The following IL7 variants were observed in gnomAD, a reference collection of about 807,000 sequenced individuals.
IL7 encodes interleukin 7.
A neutral mutation model predicts 21.6 loss-of-function variants in IL7; 3 were observed. That is an observed-to-expected ratio of 0.14 (90% CI 0.06 to 0.36). The LOEUF is 0.36. Ranked by LOEUF, IL7 falls within the 10% of genes least tolerant of loss-of-function variation. The pLI is 1.00. For synonymous variants in IL7, 62 were observed against 68.1 expected (o/e 0.91, Z 0.44); for missense variants, 175 against 200.2 (o/e 0.87, Z 0.76).
chr8:78,698,295 T>C, intron 3 of IL7: 1 of 799,444 alleles, frequency 1.3e-6, no homozygotes, highest in Non-Finnish European at 1.9e-6. Flanking sequence ...ATGTCTTCAA[T>C]GAAAACTTGA....
chr8:78,715,160 A>T, downstream of IL7: 1 of 1,435,340 alleles, frequency 7.0e-7, no homozygotes, highest in South Asian at 1.3e-5. Context: ...GTGAATAGGT[A>T]ATTTGAGAAA....
At chr8:78,738,714 G>C (rs750887454) in intron 3 of IL7, 79 bp from the exon 4 acceptor site, 18 of 1,386,704 alleles carry the variant, frequency 1.3e-5, no homozygotes, top group Non-Finnish European at 1.6e-5. Context: ...GGAGCCTAGA[G>C]CTTGAGCTAT....
chr8:78,769,988 A>G (rs1192375208), intron 2 of IL7, among the ~76,000 whole-genome samples: 1 of 152,164 alleles, frequency 6.6e-6, no homozygotes, highest in Non-Finnish European at 1.5e-5. Context: ...CCATATGTAG[A>G]AAGCTGAAAC....
At chr8:78,742,281 G>C (rs970186074) in intron 2 of IL7, among the ~76,000 whole-genome samples, 5 of 151,960 alleles carry the variant, frequency 3.3e-5, no homozygotes, top group Non-Finnish European at 7.4e-5. Flanking sequence ...CTGAGATCAC[G>C]CCACTGCACT....
chr8:78,701,311 A>G (rs1397097557), intron 3 of IL7, among the ~76,000 whole-genome samples: 1 of 152,148 alleles, frequency 6.6e-6, no homozygotes, highest in Non-Finnish European at 1.5e-5. Flanking sequence ...ATTAGTGTAT[A>G]GGAATGCTAG....
intron 2 of IL7, among the ~76,000 whole-genome samples, chr8:78,787,084 A>T (rs922110686): frequency 1.3e-5 from 2 of 152,208 alleles, no homozygotes; most frequent in Non-Finnish European, 1.5e-5. Flanking sequence ...GAATCTCTTC[A>T]TCTGTACCTT....
At chr8:78,761,397 C>G in intron 2 of IL7, 1 of 1,611,926 alleles carries the variant, frequency 6.2e-7, no homozygotes, top group South Asian at 1.1e-5. Flanking sequence ...AGTCTAGAAG[C>G]AACAACTTTC....
At chr8:78,777,255 G>A (rs750272357) in intron 2 of IL7, among the ~76,000 whole-genome samples, 4 of 151,946 alleles carry the variant, frequency 2.6e-5, no homozygotes, top group Admixed American at 6.6e-5. Flanking sequence ...AGCTATTCAG[G>A]CCTGGGAGTA....
chr8:78,771,980 C>T (rs1006554709), intron 2 of IL7, among the ~76,000 whole-genome samples: 22 of 152,250 alleles, frequency 1.4e-4, no homozygotes, highest in African/African-American at 4.8e-4. Context: ...GTGCCTTCTT[C>T]TCCTGTGGGA....
At chr8:78,724,821 G>T (rs749165230) in intron 3 of IL7, among the ~76,000 whole-genome samples, 19 of 151,968 alleles carry the variant, frequency 1.3e-4, no homozygotes, top group Non-Finnish European at 2.5e-4. Flanking sequence ...TCAGTAGAAA[G>T]ATTTTTTCTC....
At chr8:78,764,270 A>T (rs759959543) in intron 2 of IL7, among the ~76,000 whole-genome samples, 2 of 151,980 alleles carry the variant, frequency 1.3e-5, no homozygotes, top group Non-Finnish European at 2.9e-5. Flanking sequence ...AGGTTTCCTG[A>T]TAATAAAAAA....
At chr8:78,703,213 G>C (rs1222397633) in intron 3 of IL7, among the ~76,000 whole-genome samples, 2 of 152,090 alleles carry the variant, frequency 1.3e-5, no homozygotes, top group East Asian at 3.9e-4. Flanking sequence ...ATCAATTTTA[G>C]AGTATGTGCC....
At chr8:78,685,467 C>T (rs1809939836) in intron 4 of IL7, among the ~76,000 whole-genome samples, 1 of 152,118 alleles carries the variant, frequency 6.6e-6, no homozygotes, top group African/African-American at 2.4e-5. Context: ...GTAATTAAAA[C>T]ATAATTATGC....
downstream of IL7, among the ~76,000 whole-genome samples, chr8:78,715,539 AG>A (rs1438943877): frequency 1.4e-4 from 21 of 152,326 alleles, no homozygotes; most frequent in Non-Finnish European, 2.8e-4. Context: ...CATGCCACTA[AG>A]AACGTATGTG....
downstream of IL7, among the ~76,000 whole-genome samples, chr8:78,729,579 CT>C (rs960500488): frequency 6.6e-6 from 1 of 151,726 alleles, no homozygotes; most frequent in Admixed American, 6.6e-5. Context: ...TTTTTCTTCC[CT>C]TTCTTCAGCT....
chr8:78,772,547 G>A (rs1017901933), intron 2 of IL7, among the ~76,000 whole-genome samples: 2 of 152,132 alleles, frequency 1.3e-5, no homozygotes, highest in African/African-American at 2.4e-5. Flanking sequence ...AAATGGCACA[G>A]TAAGTCCTCA....
intron 1 of IL7, among the ~76,000 whole-genome samples, chr8:78,801,542 G>T (rs553039550): frequency 6.6e-6 from 1 of 150,696 alleles, no homozygotes; most frequent in Non-Finnish European, 1.5e-5. Flanking sequence ...AGCCATGGCC[G>T]TGAGCCACGA....
intron 3 of IL7, chr8:78,711,900 T>A: frequency 1.4e-6 from 1 of 732,514 alleles, no homozygotes; most frequent in African/African-American, 1.9e-5. Flanking sequence ...AGTAGATATC[T>A]GATGAACCAG....
intron 4 of IL7, among the ~76,000 whole-genome samples, chr8:78,681,140 C>A (rs1396061798): frequency 6.6e-6 from 1 of 151,800 alleles, no homozygotes; most frequent in African/African-American, 2.4e-5. Context: ...CACAGAGACG[C>A]CTTATTTGCA....
Sources: allele counts gnomAD v4.1 joint callset (sites outside exome capture counted in the v4.1 genomes callset), GRCh38; gene constraint gnomAD v4.1.1; transcripts MANE v1.5; gene names NCBI Gene and HGNC (gene_info 2026-07-23, HGNC 2026-07-21).